The following ASAP2 variants were observed in gnomAD, a reference collection of about 807,000 sequenced individuals.
ASAP2 encodes the protein arf-GAP with SH3 domain, ANK repeat and PH domain-containing protein 2.
In ASAP2, 45 loss-of-function variants were observed where a neutral mutation model predicts 131.4. The observed-to-expected ratio is 0.34, with a 90% CI of 0.27 to 0.44. ASAP2 has a LOEUF of 0.44. Ranked by LOEUF, ASAP2 falls within the 20% of genes least tolerant of loss-of-function variation. The pLI, the probability that ASAP2 is intolerant of heterozygous loss-of-function variation, is 1.00. For missense variants in ASAP2, 1,011 were observed against 1,297.0 expected, an observed-to-expected ratio of 0.78 and a Z score of 3.39; for synonymous variants, 510 against 503.0, an observed-to-expected ratio of 1.01 and a Z score of -0.19.
chr2:9,276,452 A>G (rs965331849), intron 1 of ASAP2, among the ~76,000 whole-genome samples: 2 of 152,196 alleles, frequency 1.3e-5, no homozygotes, highest in African/African-American at 2.4e-5. Context: ...AAAGCTTGCT[A>G]AAGATGTTAT....
chr2:9,258,828 C>T (rs1328271070), intron 1 of ASAP2, among the ~76,000 whole-genome samples: 1 of 152,260 alleles, frequency 6.6e-6, no homozygotes. Flanking sequence ...TCTCTCTCCT[C>T]TTCACTTCTC....
intron 27 of ASAP2, among the ~76,000 whole-genome samples, chr2:9,401,932 TCA>T (rs376547614): frequency 4.6e-5 from 7 of 151,840 alleles, no homozygotes; most frequent in Non-Finnish European, 8.8e-5. Context: ...GACAGGGAGG[TCA>T]CACACACACA....
intron 1 of ASAP2, among the ~76,000 whole-genome samples, chr2:9,211,173 T>C (rs909996723): frequency 8.0e-5 from 12 of 150,478 alleles, no homozygotes; most frequent in African/African-American, 2.9e-4. Flanking sequence ...AAAAAAAAAG[T>C]TTGTTGTCCT....
At chr2:9,285,568 G>C (rs1388889100) in intron 2 of ASAP2, among the ~76,000 whole-genome samples, 2 of 152,224 alleles carry the variant, frequency 1.3e-5, no homozygotes, top group African/African-American at 2.4e-5. Flanking sequence ...TTGCCACTCA[G>C]TGATGGATTG....
chr2:9,262,605 T>C (rs1665653172), intron 1 of ASAP2, among the ~76,000 whole-genome samples: 1 of 152,256 alleles, frequency 6.6e-6, no homozygotes, highest in Non-Finnish European at 1.5e-5. Flanking sequence ...TTGTAACTGA[T>C]GCACTTGTCT....
At position 9,364,955 on chromosome 2, in the gene ASAP2, A is replaced by G. The variant is rs570628973; in HGVS notation, c.1462-3470A>G. Among the ~76,000 whole-genome samples, 5 of 152,364 alleles carry G rather than the reference A, an allele frequency of 3.3e-5. No homozygotes were observed. The South Asian group carries it at 6.2e-4, about 19-fold the overall frequency. ...CCAGTGCAGGATTTACATTCCAACT[A>G]TCAGACTCCAGAGCCTGTGTTTTAG... On this transcript the variant is annotated intron_variant, in intron 15 of 27. Transcript: ENST00000281419.
chr2:9,390,373 A>G (rs774277368), intron 22 of ASAP2, among the ~76,000 whole-genome samples: 3 of 152,232 alleles, frequency 2.0e-5, no homozygotes, highest in Non-Finnish European at 4.4e-5. Flanking sequence ...TTCTAGGCCT[A>G]GCCTTTGCCC....
intron 21 of ASAP2, among the ~76,000 whole-genome samples, chr2:9,387,094 G>C (rs960129476): frequency 1.3e-5 from 2 of 150,014 alleles, no homozygotes; most frequent in Non-Finnish European, 3.0e-5. Flanking sequence ...GGCGCCTGTA[G>C]TCCCAGCTAC....
At chr2:9,214,520 G>A (rs184025369) in intron 1 of ASAP2, among the ~76,000 whole-genome samples, 39 of 151,926 alleles carry the variant, frequency 2.6e-4, no homozygotes, top group African/African-American at 3.9e-4. Context: ...GATTATAGGC[G>A]TGAGCCGCTG....
intron 2 of ASAP2, 152 bp downstream of exon 2, chr2:9,279,541 T>G (rs986510866): frequency 1.1e-5 from 8 of 735,524 alleles, no homozygotes; most frequent in Admixed American, 8.2e-5. Flanking sequence ...ATGTTTCTTT[T>G]TCAGAAGTAT....
intron 1 of ASAP2, among the ~76,000 whole-genome samples, chr2:9,252,409 C>T (rs1664769764): frequency 6.6e-6 from 1 of 152,070 alleles, no homozygotes; most frequent in East Asian, 1.9e-4. Context: ...AGCAAAACCC[C>T]ATCTTTACTA....
At chr2:9,340,964 C>G (rs1166598068) in intron 9 of ASAP2, among the ~76,000 whole-genome samples, 3 of 152,184 alleles carry the variant, frequency 2.0e-5, no homozygotes, top group Non-Finnish European at 4.4e-5. Flanking sequence ...CAAGTGCCCA[C>G]CTACCCTGCA....
At chr2:9,238,935 G>C (rs1225812572) in intron 1 of ASAP2, among the ~76,000 whole-genome samples, 4 of 152,170 alleles carry the variant, frequency 2.6e-5, no homozygotes, top group Admixed American at 6.5e-5. Flanking sequence ...CTGTTTGCCT[G>C]CTCCTGCTTT....
At chr2:9,214,912 C>T (rs978175443) in intron 1 of ASAP2, among the ~76,000 whole-genome samples, 7 of 152,052 alleles carry the variant, frequency 4.6e-5, no homozygotes, top group Non-Finnish European at 5.9e-5. Flanking sequence ...GACACTCTGG[C>T]GAAGGTGATC....
At chr2:9,274,079 C>A (rs548608658) in intron 1 of ASAP2, among the ~76,000 whole-genome samples, 1 of 152,308 alleles carries the variant, frequency 6.6e-6, no homozygotes, top group East Asian at 1.9e-4. Flanking sequence ...ATCTCTTTCA[C>A]TGTAATAATT....
chr2:9,394,427 G>A (rs1281045008), intron 24 of ASAP2, among the ~76,000 whole-genome samples: 1 of 152,094 alleles, frequency 6.6e-6, no homozygotes, highest in Non-Finnish European at 1.5e-5. Context: ...GCCTCCCAAA[G>A]TGCTGGGATT....
chr2:9,280,836 T>G (rs1667086539), intron 2 of ASAP2, among the ~76,000 whole-genome samples: 1 of 152,272 alleles, frequency 6.6e-6, no homozygotes, highest in African/African-American at 2.4e-5. Flanking sequence ...CTGTGTATCT[T>G]GTGCTTTCTG....
intron 1 of ASAP2, among the ~76,000 whole-genome samples, chr2:9,251,330 T>C (rs933711064): frequency 5.3e-5 from 8 of 152,086 alleles, no homozygotes; most frequent in Admixed American, 5.2e-4. Context: ...TCCCATCTTC[T>C]GGGCTCCATC....
At position 9,279,400 on chromosome 2, in the gene ASAP2, A is replaced by G. The variant is rs372104561; in HGVS notation, c.199+11A>G. ...ACAGCTCTGGGCTGGGTGAGTATAC[A>G]TCCTTCCCTAGAGGTTTCTGTGTGG... On this transcript the variant is annotated intron_variant, in intron 2 of 27. Transcript: ENST00000281419. 24 of 1,611,656 alleles carry G rather than the reference A, an allele frequency of 1.5e-5. No homozygotes were observed. The African/African-American group carries it at 2.3e-4, about 15-fold the overall frequency.
Sources: allele counts gnomAD v4.1 joint callset (sites outside exome capture counted in the v4.1 genomes callset), GRCh38; gene constraint gnomAD v4.1.1; transcripts MANE v1.5; gene names NCBI Gene and HGNC (gene_info 2026-07-23, HGNC 2026-07-21).